Variants in IL1RL2 observed in about 807,000 individuals in gnomAD.
The protein encoded by IL1RL2 is interleukin 1 receptor like 2.
A neutral mutation model predicts 66.8 loss-of-function variants in IL1RL2; 68 were observed. The observed-to-expected ratio is 1.02, with a 90% CI of 0.84 to 1.25. The LOEUF is 1.25. IL1RL2 is among the 50% of genes most tolerant of loss of function. The probability of loss-of-function intolerance (pLI) is 0.00; values close to 1 mark genes in which losing one functional copy is unlikely to be tolerated. For synonymous variants in IL1RL2, 305 were observed against 264.6 expected (o/e 1.15, Z -1.48); for missense variants, 729 against 709.3 (o/e 1.03, Z -0.32).
At chr2:102,196,028 T>G (rs1412561454) in intron 4 of IL1RL2, among the ~76,000 whole-genome samples, 1 of 152,106 alleles carries the variant, frequency 6.6e-6, no homozygotes, top group African/African-American at 2.4e-5. Flanking sequence ...TGCTTGTTAA[T>G]TATTATGGCA....
chr2:102,205,046 T>C (rs7574448), intron 5 of IL1RL2, among the ~76,000 whole-genome samples: 42,486 of 151,776 alleles, frequency 0.28, 6,563 homozygotes, highest in East Asian at 0.38. Context: ...GAGGTTTCCA[T>C]GAGGCTTGAA....
intron 6 of IL1RL2, among the ~76,000 whole-genome samples, chr2:102,212,554 A>G (rs778053413): frequency 6.0e-4 from 91 of 152,250 alleles, no homozygotes; most frequent in Non-Finnish European, 1.2e-3. Context: ...GATATATTAC[A>G]GGAGTGAAAA....
chr2:102,192,268 G>A (rs545257476), intron 4 of IL1RL2, 148 bp downstream of exon 4: 84 of 512,682 alleles, frequency 1.6e-4, no homozygotes, highest in African/African-American at 1.3e-3. Context: ...CATTGATAAC[G>A]TTACCTTCCT....
At chr2:102,216,290 A>C (rs1387768771) in intron 6 of IL1RL2, among the ~76,000 whole-genome samples, 1 of 152,236 alleles carries the variant, frequency 6.6e-6, no homozygotes, top group Non-Finnish European at 1.5e-5. Context: ...TCTAGTGATC[A>C]TTATATAATG....
intron 9 of IL1RL2, among the ~76,000 whole-genome samples, chr2:102,228,499 C>G (rs1690833532): frequency 6.6e-6 from 1 of 152,180 alleles, no homozygotes; most frequent in African/African-American, 2.4e-5. Context: ...CTCTAGCAAG[C>G]CACTGGAGCT....
Position 102,189,277 on chromosome 2 carries a change from G to T in IL1RL2, c.260G>T (p.Trp87Leu). The change falls in exon 3 of 12, where the codon TGG (tryptophan) becomes TTG (leucine). Residue 87 changes from tryptophan (W) to leucine (L), a missense_variant. Transcript: ENST00000264257. ...ETWILFLPME[W>L]GDSGVYQCVI... ...TGGATTTTGTTTCTCCCCATGGAAT[G>T]GGGGGACTCAGGAGTCTACCAATGT... 6.2e-7 allele frequency: 1 copy of T among 1,612,810 alleles called. No homozygotes were observed. Among genetic ancestry groups the T allele is most frequent in the Non-Finnish European group, 8.5e-7 (1 of 1,179,294 alleles).
chr2:102,240,264 TCA>T (rs1675191214), downstream of IL1RL2, among the ~76,000 whole-genome samples: 1 of 151,886 alleles, frequency 6.6e-6, no homozygotes, highest in African/African-American at 2.4e-5. Flanking sequence ...GGACTGTTTC[TCA>T]GTCTGACAGC....
intron 5 of IL1RL2, among the ~76,000 whole-genome samples, chr2:102,202,671 T>C (rs915387779): frequency 6.6e-6 from 1 of 152,218 alleles, no homozygotes; most frequent in African/African-American, 2.4e-5. Flanking sequence ...ACTTGTAAAA[T>C]ATCTTTTCAC....
At chr2:102,231,358 C>G (rs2104882788) in intron 9 of IL1RL2, among the ~76,000 whole-genome samples, 1 of 152,198 alleles carries the variant, frequency 6.6e-6, no homozygotes, top group South Asian at 2.1e-4. Flanking sequence ...ATTAGCCGGG[C>G]CTGGTGGCGG....
rs757942876 is a variant in IL1RL2, at chr2:102,219,834, G to C, written c.855-47G>C. The stretch of plus-strand genomic sequence containing the variant: ...CAGAAAACAGATTATAAAATATGTT[G>C]GGTAAATCTGACTCATGTATTAATG... On this transcript the variant is annotated intron_variant, in intron 7 of 11. Coordinates refer to ENST00000264257, the MANE Select transcript of IL1RL2 (RefSeq NM_003854.4). 4.6e-6 allele frequency: 7 copies of C among 1,521,998 alleles called. No individual in the cohort carries two copies. In the African/African-American group the frequency reaches 9.5e-5, roughly 21 times the overall value. 94.3% of individuals were successfully genotyped at this position (1,521,998 alleles called of 1,614,324 possible). A position where few individuals can be genotyped will look rare whatever the true frequency, so the allele number is the denominator to read the frequency against.
chr2:102,208,556 T>C (rs1176599309), intron 5 of IL1RL2, among the ~76,000 whole-genome samples: 1 of 152,254 alleles, frequency 6.6e-6, no homozygotes, highest in African/African-American at 2.4e-5. Flanking sequence ...GGATACTTCT[T>C]TGATGTAGAC....
chr2:102,194,882 C>T (rs1005093078), intron 4 of IL1RL2, among the ~76,000 whole-genome samples: 1 of 151,514 alleles, frequency 6.6e-6, no homozygotes, highest in South Asian at 2.1e-4. Flanking sequence ...TGAGTGGCTG[C>T]GGGTTACCTT....
chr2:102,222,548 T>C (rs776429057), intron 8 of IL1RL2, among the ~76,000 whole-genome samples: 15 of 152,208 alleles, frequency 9.9e-5, no homozygotes, highest in Non-Finnish European at 1.6e-4. Flanking sequence ...TTGTTCCCAC[T>C]CATTTCCCAG....
chr2:102,239,217 G>A lies in IL1RL2; in HGVS notation c.1704G>A (p.Lys568=), dbSNP rs145736310. Residue 568 remains lysine, a synonymous_variant, in exon 12 of 12, where the codon AAG becomes AAA. Transcript: ENST00000264257. Reference sequence around the variant, plus strand: ...GCCCAGAACTAGGCTCAAGAAGAAAGAAGTGTACTCTCACGACTGGCTAAG... The same window carrying A: ...GCCCAGAACTAGGCTCAAGAAGAAAAAAGTGTACTCTCACGACTGGCTAAG... ...TAGPELGSRR[K]KCTLTTG The A allele has an allele frequency of 3.1e-5, 50 of 1,613,984 alleles. No individual in the cohort carries two copies. In the African/African-American group the frequency reaches 6.4e-4, roughly 21 times the overall value.
intron 9 of IL1RL2, among the ~76,000 whole-genome samples, chr2:102,232,173 G>A (rs1691197538): frequency 6.6e-6 from 1 of 151,266 alleles, no homozygotes; most frequent in African/African-American, 2.4e-5. Context: ...GTGCAATGGT[G>A]TGATCTCGGC....
intron 8 of IL1RL2, among the ~76,000 whole-genome samples, chr2:102,220,337 T>A (rs1005413728): frequency 1.3e-5 from 2 of 152,244 alleles, no homozygotes; most frequent in Admixed American, 6.5e-5. Flanking sequence ...ATTTTCAACT[T>A]TTAGATTTAG....
downstream of IL1RL2, among the ~76,000 whole-genome samples, chr2:102,241,411 T>C (rs1675227502): frequency 6.6e-6 from 1 of 152,184 alleles, no homozygotes. Context: ...GTATGCTAGC[T>C]AAATCCCTCT....
chr2:102,234,363 A>G (rs925375984), intron 10 of IL1RL2, among the ~76,000 whole-genome samples: 1 of 152,214 alleles, frequency 6.6e-6, no homozygotes, highest in African/African-American at 2.4e-5. Flanking sequence ...CACATGCAAA[A>G]CATGATTCAT....
chr2:102,222,997 G>A (rs12474373), intron 8 of IL1RL2, among the ~76,000 whole-genome samples: 23,485 of 152,178 alleles, frequency 0.15, 2,262 homozygotes, highest in Admixed American at 0.29. Flanking sequence ...ACTGTGTTCC[G>A]AAGGATTCTG....
Sources: allele counts gnomAD v4.1 joint callset (sites outside exome capture counted in the v4.1 genomes callset), GRCh38; gene constraint gnomAD v4.1.1; transcripts MANE v1.5; gene names NCBI Gene and HGNC (gene_info 2026-07-23, HGNC 2026-07-21).